The following IPCEF1 variants were observed in gnomAD, a reference collection of about 807,000 sequenced individuals.
The protein encoded by IPCEF1 is interaction protein for cytohesin exchange factors 1, also known as interactor protein for cytohesin exchange factors 1.
A neutral mutation model predicts 50.9 loss-of-function variants in IPCEF1; 31 were observed. The ratio of observed to expected loss-of-function variants is 0.61; its 90% CI spans 0.46 to 0.82. The LOEUF (loss-of-function observed/expected upper bound fraction) is 0.82. Among genes scored for constraint, IPCEF1 ranks in the 40% least tolerant of loss-of-function variants. IPCEF1 has a pLI of 0.00. For missense variants in IPCEF1, 458 were observed against 514.0 expected (o/e 0.89, Z 1.05); for synonymous variants, 181 against 192.0 (o/e 0.94, Z 0.47).
intron 2 of IPCEF1, among the ~76,000 whole-genome samples, chr6:154,277,901 C>T (rs1782104368): frequency 6.6e-6 from 1 of 152,056 alleles, no homozygotes; most frequent in Middle Eastern, 3.2e-3. Context: ...GCCCAGCTTC[C>T]TGTGGTCCAC....
At chr6:154,231,110 G>T (rs550194209) in intron 5 of IPCEF1, among the ~76,000 whole-genome samples, 1 of 152,320 alleles carries the variant, frequency 6.6e-6, no homozygotes, top group South Asian at 2.1e-4. Context: ...GAGCTGAGCT[G>T]CCCATTCTCA....
intron 9 of IPCEF1, among the ~76,000 whole-genome samples, chr6:154,210,617 G>A (rs2128604033): frequency 6.6e-6 from 1 of 152,268 alleles, no homozygotes; most frequent in East Asian, 1.9e-4. Context: ...ATATCATTAA[G>A]TTTGAAAGAT....
chr6:154,276,317 G>A (rs1346168329), intron 2 of IPCEF1, among the ~76,000 whole-genome samples: 1 of 79,688 alleles, frequency 1.3e-5, no homozygotes, highest in African/African-American at 5.0e-5. Context: ...AAGGGAAGGA[G>A]GGAGGGAAGG....
intron 8 of IPCEF1, 78 bp downstream of exon 8, chr6:154,214,140 T>C (rs1377088017): frequency 1.1e-6 from 1 of 934,422 alleles, no homozygotes; most frequent in Non-Finnish European, 1.8e-6. Context: ...TACATAGAAC[T>C]TGACATTGTT....
In IPCEF1 at chr6:154,207,559, G is replaced by GT. The variant is rs60099031; in HGVS notation, c.537+5210dup. 2.5e-3 allele frequency among the ~76,000 whole-genome samples: 377 copies of GT among 151,304 alleles called. 1 individual carries two copies. Among genetic ancestry groups the GT allele is most frequent in the African/African-American group, 8.1e-3 (335 of 41,280 alleles). On this transcript the variant is annotated intron_variant, in intron 9 of 11. Transcript: ENST00000367220. The stretch of plus-strand genomic sequence containing the variant: ...TCCTTCTGTGTTTAAACTTTTTGGG[G>GT]TTTTTTTTGTTTTTTTGTTTTTCTG...
At chr6:154,307,907 A>T (rs7759181) in intron 1 of IPCEF1, among the ~76,000 whole-genome samples, 1 of 151,972 alleles carries the variant, frequency 6.6e-6, no homozygotes, top group African/African-American at 2.4e-5. Context: ...CCTCACATCC[A>T]CCCACTGACA....
intron 5 of IPCEF1, among the ~76,000 whole-genome samples, chr6:154,232,574 A>G (rs1779806002): frequency 6.6e-6 from 1 of 152,230 alleles, no homozygotes; most frequent in South Asian, 2.1e-4. Context: ...AAATAATTCT[A>G]AAGACAAGAC....
At chr6:154,331,431 GAGAA>G (rs1266597535) in intron 1 of IPCEF1, among the ~76,000 whole-genome samples, 31 of 143,186 alleles carry the variant, frequency 2.2e-4, no homozygotes, top group Admixed American at 3.5e-4. Flanking sequence ...AAGAGAGAGA[GAGAA>G]AGAAAGAGAA....
intron 9 of IPCEF1, among the ~76,000 whole-genome samples, chr6:154,210,700 A>G (rs1341238787): frequency 6.6e-6 from 1 of 152,220 alleles, no homozygotes; most frequent in Non-Finnish European, 1.5e-5. Context: ...ACTGGGGAGA[A>G]GCTATGAATA....
chr6:154,212,697 T>G, intron 9 of IPCEF1, 73 bp downstream of exon 9: 1 of 1,013,256 alleles, frequency 9.9e-7, no homozygotes, highest in South Asian at 1.4e-5. Context: ...TCAAGCTACT[T>G]CCTATTCAAT....
chr6:154,253,589 G>T (rs1420061057), intron 3 of IPCEF1, among the ~76,000 whole-genome samples: 1 of 152,104 alleles, frequency 6.6e-6, no homozygotes, highest in Non-Finnish European at 1.5e-5. Context: ...TAACAATTTT[G>T]TATAACTTCC....
Position 154,198,311 on chromosome 6 carries a change from G to A in IPCEF1, c.910+1357C>T, listed in dbSNP as rs149003107. On this transcript the variant is annotated intron_variant, in intron 10 of 11. Coordinates refer to ENST00000367220, the MANE Select transcript of IPCEF1 (RefSeq NM_001130700.2). ...GACAGCAACTCACAAACCTGAGGGCGGGTTGAGACTACTCTTCCTCACAGT... is the reference window on the plus strand; with the variant it reads ...GACAGCAACTCACAAACCTGAGGGCAGGTTGAGACTACTCTTCCTCACAGT... 3.3e-3 allele frequency among the ~76,000 whole-genome samples: 501 copies of A among 152,190 alleles called. 1 individual carries two copies. Among genetic ancestry groups the A allele is most frequent in the African/African-American group, 0.011 (470 of 41,542 alleles).
At chr6:154,163,677 A>C (rs1799204217) in intron 11 of IPCEF1, among the ~76,000 whole-genome samples, 1 of 152,250 alleles carries the variant, frequency 6.6e-6, no homozygotes, top group Admixed American at 6.5e-5. Context: ...TTGTTGAAAA[A>C]ATGAATATAT....
intron 1 of IPCEF1, among the ~76,000 whole-genome samples, chr6:154,333,047 G>C (rs1237916145): frequency 6.6e-6 from 1 of 152,146 alleles, no homozygotes; most frequent in Non-Finnish European, 1.5e-5. Context: ...GCTTAGCCTT[G>C]TCTCTCATCT....
At position 154,180,408 on chromosome 6, in the gene IPCEF1, A is replaced by T. The variant is rs1157592400; in HGVS notation, c.911-12295T>A. Among the ~76,000 whole-genome samples, 140 of 39,500 alleles carry T rather than the reference A, an allele frequency of 3.5e-3. 1 individual carries two copies. Among genetic ancestry groups the T allele is most frequent in the African/African-American group, 5.9e-3 (63 of 10,618 alleles). The allele number at this position is 39,500 out of a possible 152,430, so 25.9% of individuals were successfully genotyped here. ...CAACTATATATATATATATATATAT[A>T]TATATATTTTTTTTTTAAACATGAT... On this transcript the variant is annotated intron_variant, in intron 10 of 11. Transcript: ENST00000367220.
intron 2 of IPCEF1, among the ~76,000 whole-genome samples, chr6:154,268,363 C>G (rs550700246): frequency 1.1e-4 from 17 of 152,336 alleles, no homozygotes; most frequent in African/African-American, 4.1e-4. Flanking sequence ...GTTTGGGTAG[C>G]TGCAGCAGCA....
chr6:154,263,950 C>T (rs1368468458), intron 3 of IPCEF1, among the ~76,000 whole-genome samples: 2 of 136,188 alleles, frequency 1.5e-5, no homozygotes, highest in African/African-American at 2.6e-5. Context: ...TAGGGGCGGC[C>T]GGGCAGAGGC....
At chr6:154,291,352 G>T (rs1462120853) in intron 1 of IPCEF1, among the ~76,000 whole-genome samples, 6 of 152,184 alleles carry the variant, frequency 3.9e-5, no homozygotes, top group African/African-American at 1.2e-4. Context: ...CATATTTCAA[G>T]ATCTGTATTT....
intron 1 of IPCEF1, among the ~76,000 whole-genome samples, chr6:154,310,287 A>G: frequency 6.6e-6 from 1 of 152,178 alleles, no homozygotes; most frequent in African/African-American, 2.4e-5. Flanking sequence ...AACATCACTA[A>G]CCATCAGGGA....
Sources: gnomAD v4.1 joint callset for allele counts (sites outside exome capture counted in the v4.1 genomes callset) on GRCh38, gnomAD v4.1.1 for gene constraint, MANE v1.5 for transcripts, NCBI Gene and HGNC (gene_info 2026-07-23, HGNC 2026-07-21) for gene names.